Variants in ZNF740 observed in about 807,000 individuals in gnomAD.
ZNF740 encodes the protein oriLyt TD-element-binding protein 7.
A neutral mutation model predicts 24.8 loss-of-function variants in ZNF740; 14 were observed. That is an observed-to-expected ratio of 0.56 (90% CI 0.37 to 0.88). The LOEUF (loss-of-function observed/expected upper bound fraction) is 0.88. ZNF740 is among the 40% of genes least tolerant of loss of function. The probability of loss-of-function intolerance (pLI) is 0.00; values close to 1 mark genes in which losing one functional copy is unlikely to be tolerated. For synonymous variants in ZNF740, 69 were observed against 84.0 expected, an observed-to-expected ratio of 0.82 and a Z score of 0.98; for missense variants, 201 against 247.9, an observed-to-expected ratio of 0.81 and a Z score of 1.27.
At chr12:53,183,218 A>G (rs544870374) in intron 2 of ZNF740, among the ~76,000 whole-genome samples, 1 of 152,368 alleles carries the variant, frequency 6.6e-6, no homozygotes, top group Admixed American at 6.5e-5. Context: ...TGTGCTAGAC[A>G]CTGTTAAGCG....
chr12:53,191,299 GGTAAA>G lies in ZNF740; in HGVS notation c.*3711_*3715del. The G allele has an allele frequency of 2.0e-6, 1 of 500,426 alleles. No individual in the cohort carries two copies. Among genetic ancestry groups the G allele is most frequent in the African/African-American group, 1.9e-5 (1 of 51,530 alleles). The allele number at this position is 500,426 out of a possible 1,614,324, so 31.0% of individuals were successfully genotyped here. A position where few individuals can be genotyped will look rare whatever the true frequency, so the allele number is the denominator to read the frequency against. Reference sequence around the variant, plus strand: ...AAACAGTCTGCTTTGGCCTTGATGAGGTAAAGCAAAGTGACAGCTGTGGTCTGAGG... The same window carrying G: ...AAACAGTCTGCTTTGGCCTTGATGAGGCAAAGTGACAGCTGTGGTCTGAGG... On this transcript the variant is annotated 3_prime_UTR_variant, in exon 7 of 7. Transcript: ENST00000416904.
Position 53,187,698 on chromosome 12 carries a change from TGGA to T in ZNF740, c.*113_*115del. 1.2e-6 allele frequency: 1 copy of T among 850,192 alleles called. No homozygotes were observed. The highest frequency in any genetic ancestry group is 1.9e-6 in the Non-Finnish European group (1 of 514,846). 52.7% of individuals were successfully genotyped at this position (850,192 alleles called of 1,614,324 possible). ...GCCCCATGTGAACCTGTCCCACTCC[TGGA>T]GGAGTGGACCCAGGAGACCAGAAGA... is the stretch of plus-strand genomic sequence containing the variant. On this transcript the variant is annotated 3_prime_UTR_variant, in exon 7 of 7. Transcript: ENST00000416904.
rs1036704968 is a variant in ZNF740 at position 53,189,836 on chromosome 12, C to G, written c.*2246C>G. 6.6e-6 allele frequency: 1 copy of G among 152,202 alleles called. No individual in the cohort carries two copies. Among genetic ancestry groups the G allele is most frequent in the South Asian group, 2.1e-4 (1 of 4,828 alleles). 9.4% of individuals were successfully genotyped at this position (152,202 alleles called of 1,614,324 possible). Reference sequence around the variant, plus strand: ...ATTTTAAAATATTTAGAAAACTATCCTCCCAAAAATGCTTTTGAAAATGAG... The same window carrying G: ...ATTTTAAAATATTTAGAAAACTATCGTCCCAAAAATGCTTTTGAAAATGAG... On this transcript the variant is annotated 3_prime_UTR_variant, in exon 7 of 7. Coordinates refer to ENST00000416904, the MANE Select transcript of ZNF740 (RefSeq NM_001004304.4).
At chr12:53,184,563 C>T (rs985888705) in intron 2 of ZNF740, among the ~76,000 whole-genome samples, 1 of 152,150 alleles carries the variant, frequency 6.6e-6, no homozygotes, top group African/African-American at 2.4e-5. Flanking sequence ...AAGATGGAAC[C>T]TCATACCCAC....
Position 53,192,647 on chromosome 12 carries a change from C to A in ZNF740, c.*5057C>A. 1 of 1,600,958 alleles carries A rather than the reference C, an allele frequency of 6.2e-7. No homozygotes were observed. The highest frequency in any genetic ancestry group is 8.5e-7 in the Non-Finnish European group (1 of 1,170,426). ...GGCAGATGGGAGTAGCTCAACAAGC[C>A]CCACTGTGCCCCTGCTCCCAAGATG... On this transcript the variant is annotated 3_prime_UTR_variant, in exon 7 of 7. Transcript: ENST00000416904.
intron 2 of ZNF740, 76 bp downstream of exon 2, chr12:53,182,068 T>C: frequency 6.4e-7 from 1 of 1,562,008 alleles, no homozygotes; most frequent in Non-Finnish European, 8.7e-7. Flanking sequence ...GCTGCCTTAG[T>C]CAACATATTG....
In ZNF740 at chr12:53,192,806, C is replaced by T. The variant is rs1298703730; in HGVS notation, c.*5216C>T. 2 of 1,614,228 alleles carry T rather than the reference C, an allele frequency of 1.2e-6. No homozygotes were observed. Among genetic ancestry groups the T allele is most frequent in the Admixed American group, 1.7e-5 (1 of 60,034 alleles). On this transcript the variant is annotated 3_prime_UTR_variant, in exon 7 of 7. Transcript: ENST00000416904. ...CAGCGTCCATGCCCACTGCAGAGCC[C>T]TCCCTCGGGACTGATGCAACTGTCC...
intron 2 of ZNF740, among the ~76,000 whole-genome samples, chr12:53,183,052 A>G (rs1220721764): frequency 6.6e-6 from 1 of 152,048 alleles, no homozygotes; most frequent in Non-Finnish European, 1.5e-5. Flanking sequence ...TTGTAGTATA[A>G]TTGGCTTTCC....
chr12:53,193,515 T>C lies in ZNF740; in HGVS notation c.*5925T>C, dbSNP rs1942043405. 2.7e-6 allele frequency: 2 copies of C among 736,806 alleles called. No homozygotes were observed. Among genetic ancestry groups the C allele is most frequent in the Non-Finnish European group, 4.4e-6 (2 of 456,376 alleles). 45.6% of individuals were successfully genotyped at this position (736,806 alleles called of 1,614,324 possible). A position where few individuals can be genotyped will look rare whatever the true frequency, so the allele number is the denominator to read the frequency against. On this transcript the variant is annotated 3_prime_UTR_variant, in exon 7 of 7. Coordinates refer to ENST00000416904, the MANE Select transcript of ZNF740 (RefSeq NM_001004304.4). ...TTAAGTATAGTGAAACACTGAGGGG[T>C]GAGAGAGTGGAGGGAGCCCCAGTCA... is the stretch of plus-strand genomic sequence containing the variant.
At position 53,185,973 on chromosome 12, in the gene ZNF740, A is replaced by G. The variant is rs1941813918; in HGVS notation, c.269A>G (p.Asn90Ser). The change falls in exon 5 of 7, where the codon AAT (asparagine) becomes AGT (serine). Residue 90 changes from asparagine (N) to serine (S), a missense_variant. Asn to Ser is a conservative substitution (Grantham distance 46). Coordinates refer to ENST00000416904, the MANE Select transcript of ZNF740 (RefSeq NM_001004304.4). ...TVKKVVVVEQ[N>S]GSFQVKIPKN... ...CCCCAGGTGGTGGTAGTGGAACAAA[A>G]TGGTTCTTTTCAAGTAAAGATTCCC... 4.3e-6 allele frequency: 7 copies of G among 1,613,822 alleles called. No homozygotes were observed. In the South Asian group the frequency reaches 6.6e-5, roughly 15 times the overall value.
chr12:53,192,567 G>C lies in ZNF740; in HGVS notation c.*4977G>C. 6.2e-7 allele frequency: 1 copy of C among 1,609,452 alleles called. No homozygotes were observed. The highest frequency in any genetic ancestry group is 1.1e-5 in the South Asian group (1 of 91,010). Reference sequence around the variant, plus strand: ...TGTAGTAGATGCCAATAGGTTACCAGCTGGGCAGTTGTCACCCAATGCCCC... The same window carrying C: ...TGTAGTAGATGCCAATAGGTTACCACCTGGGCAGTTGTCACCCAATGCCCC... On this transcript the variant is annotated 3_prime_UTR_variant, in exon 7 of 7. Coordinates refer to ENST00000416904, the MANE Select transcript of ZNF740 (RefSeq NM_001004304.4).
chr12:53,182,402 C>G (rs556029669), intron 2 of ZNF740, among the ~76,000 whole-genome samples: 8 of 152,094 alleles, frequency 5.3e-5, no homozygotes, highest in Non-Finnish European at 1.0e-4. Context: ...TGTCCTTGTC[C>G]CCAGTGAGCT....
At position 53,193,968 on chromosome 12, in the gene ZNF740, T is replaced by C. The variant is rs552419542; in HGVS notation, c.*6378T>C. On this transcript the variant is annotated 3_prime_UTR_variant, in exon 7 of 7. Coordinates refer to ENST00000416904, the MANE Select transcript of ZNF740 (RefSeq NM_001004304.4). ...CACACACATACCCCAAACTCACCAA[T>C]CATCCAGAACCTCACCCCTTAGTAA... The C allele has an allele frequency of 6.8e-7, 1 of 1,461,478 alleles. No homozygotes were observed. The highest frequency in any genetic ancestry group is 9.4e-7 in the Non-Finnish European group (1 of 1,067,610). 90.5% of individuals were successfully genotyped at this position (1,461,478 alleles called of 1,614,324 possible).
At chr12:53,181,490 T>C in intron 1 of ZNF740, 187 bp from the exon 2 acceptor site, 1 of 985,394 alleles carries the variant, frequency 1.0e-6, no homozygotes, top group Non-Finnish European at 1.2e-6. Flanking sequence ...CTTTTGCTCC[T>C]GTTGGCTTCC....
Position 53,192,725 on chromosome 12 carries a change from A to C in ZNF740, c.*5135A>C. 6.2e-7 allele frequency: 1 copy of C among 1,614,166 alleles called. No homozygotes were observed. The highest frequency in any genetic ancestry group is 8.5e-7 in the Non-Finnish European group (1 of 1,180,026). On this transcript the variant is annotated 3_prime_UTR_variant, in exon 7 of 7. Transcript: ENST00000416904. ...TCGCATGGTGTCTTGCAGCCTGGGC[A>C]TTGGTCGCATAGAGCACCATAGTAG...
At position 53,184,979 on chromosome 12, in the gene ZNF740, G is replaced by C. The variant is rs1166624945; in HGVS notation, c.98G>C (p.Ser33Thr). 11 of 1,613,922 alleles carry C rather than the reference G, an allele frequency of 6.8e-6. No individual in the cohort carries two copies. In the African/African-American group the frequency reaches 1.3e-4, roughly 20 times the overall value. The stretch of plus-strand genomic sequence containing the variant: ...AAGATGATGCTGAGCCAGATTGCCA[G>C]CAAGCAGGCCGAGAATGGCGAGCGG... Reference protein sequence around the residue: ...SKKMMLSQIASKQAENGERAG... With the variant: ...SKKMMLSQIATKQAENGERAG... The change falls in exon 3 of 7, where the codon AGC (serine) becomes ACC (threonine). Residue 33 changes from serine (S) to threonine (T), a missense_variant. Ser to Thr is a moderately conservative substitution (Grantham distance 58). Transcript: ENST00000416904.
chr12:53,189,874 C>T lies in ZNF740; in HGVS notation c.*2284C>T, dbSNP rs919233274. Reference sequence around the variant, plus strand: ...TTTTGAAAATGAGAGCCCTCTGTCCCTGCCACTTACAGCTAGTCTCTTTGG... The same window carrying T: ...TTTTGAAAATGAGAGCCCTCTGTCCTTGCCACTTACAGCTAGTCTCTTTGG... On this transcript the variant is annotated 3_prime_UTR_variant, in exon 7 of 7. Coordinates refer to ENST00000416904, the MANE Select transcript of ZNF740 (RefSeq NM_001004304.4). The T allele has an allele frequency of 2.0e-5, 3 of 152,222 alleles. No individual in the cohort carries two copies. The highest frequency in any genetic ancestry group is 2.9e-5 in the Non-Finnish European group (2 of 68,048). The allele number at this position is 152,222 out of a possible 1,614,324, so 9.4% of individuals were successfully genotyped here. A position where few individuals can be genotyped will look rare whatever the true frequency, so the allele number is the denominator to read the frequency against.
intron 1 of ZNF740, 99 bp downstream of exon 1, chr12:53,180,936 G>T: frequency 3.0e-6 from 3 of 998,896 alleles, no homozygotes; most frequent in Non-Finnish European, 3.7e-6. Context: ...GGGGAGGGGA[G>T]GGGAGGAGGG....
In ZNF740 at chr12:53,180,781, G is replaced by C; in HGVS notation, c.-364G>C. Reference sequence around the variant, plus strand: ...GGCGGTGGGGTTGGCAGGGTGTGCTGGGGCCTGGAGGAGGCGCCGCGCGGC... The same window carrying C: ...GGCGGTGGGGTTGGCAGGGTGTGCTCGGGCCTGGAGGAGGCGCCGCGCGGC... On this transcript the variant is annotated 5_prime_UTR_variant, in exon 1 of 7. Coordinates refer to ENST00000416904, the MANE Select transcript of ZNF740 (RefSeq NM_001004304.4). 1 of 1,272,758 alleles carries C rather than the reference G, an allele frequency of 7.9e-7. No homozygotes were observed. Among genetic ancestry groups the C allele is most frequent in the Non-Finnish European group, 1.0e-6 (1 of 982,338 alleles). 78.8% of individuals were successfully genotyped at this position (1,272,758 alleles called of 1,614,324 possible).
Sources: gnomAD v4.1 joint callset for allele counts (sites outside exome capture counted in the v4.1 genomes callset) on GRCh38, gnomAD v4.1.1 for gene constraint, MANE v1.5 for transcripts, NCBI Gene and HGNC (gene_info 2026-07-23, HGNC 2026-07-21) for gene names.